Variants in MRPL34 observed in about 807,000 individuals in gnomAD.
MRPL34 encodes the protein large ribosomal subunit protein bL34m.
Under a neutral mutation model 6.7 loss-of-function variants are expected in MRPL34, and 8 were observed. The ratio of observed to expected loss-of-function variants is 1.20; its 90% CI spans 0.70 to 2.16. MRPL34 has a LOEUF of 2.16. Among genes scored for constraint, MRPL34 ranks in the 30% most tolerant of loss-of-function variants. MRPL34 has a pLI of 0.00. For synonymous variants in MRPL34, 59 were observed against 55.1 expected (o/e 1.07, Z -0.31); for missense variants, 146 against 125.5 (o/e 1.16, Z -0.78).
At position 17,305,936 on chromosome 19, in the gene MRPL34, C is replaced by T. The variant is rs2074144967; in HGVS notation, c.44C>T (p.Ser15Leu). 5 of 1,614,128 alleles carry T rather than the reference C, an allele frequency of 3.1e-6. No homozygotes were observed. In the East Asian group the frequency reaches 1.1e-4, roughly 36 times the overall value. Reference sequence around the variant, plus strand: ...TCCCTGTTGGGCCCCACGAGTAGGTCGGCAGCGTTGCTGGGTGGCAGGTAA... The same window carrying T: ...TCCCTGTTGGGCCCCACGAGTAGGTTGGCAGCGTTGCTGGGTGGCAGGTAA... ...AGSLLGPTSR[S>L]AALLGGRWLQ... The change falls in exon 1 of 2, where the codon TCG becomes TTG. Residue 15 changes from serine to leucine, a missense_variant. Transcript: ENST00000252602.
upstream of MRPL34, among the ~76,000 whole-genome samples, chr19:17,298,582 T>C (rs1368195182): frequency 1.3e-5 from 2 of 152,086 alleles, no homozygotes; most frequent in East Asian, 3.8e-4. Context: ...GCTTGGCAAC[T>C]ACTGAAGACA....
rs1439018940 is a variant in MRPL34 at position 17,297,519 on chromosome 19, CTCCTGACCTTGTGA to C, written c.214+4669_214+4682del. Among the ~76,000 whole-genome samples the C allele has an allele frequency of 2.6e-5, 4 of 152,250 alleles. No individual in the cohort carries two copies. In the South Asian group the frequency reaches 8.3e-4, roughly 32 times the overall value. On this transcript the variant is annotated intron_variant, in intron 1 of 2. Transcript: ENST00000595444. Reference sequence around the variant, plus strand: ...CCATTTTGGCCAGGCTGGTCTTGAACTCCTGACCTTGTGATCCGCCTGCCTCGGCCTCCAAAAGT... The same window carrying C: ...CCATTTTGGCCAGGCTGGTCTTGAACTCCGCCTGCCTCGGCCTCCAAAAGT...
upstream of MRPL34, among the ~76,000 whole-genome samples, chr19:17,303,931 G>A (rs2074133864): frequency 6.6e-6 from 1 of 152,120 alleles, no homozygotes; most frequent in Non-Finnish European, 1.5e-5. Flanking sequence ...TCCAAACCCT[G>A]GGAACCATTA....
At chr19:17,299,029 A>T (rs138354410), upstream of MRPL34, among the ~76,000 whole-genome samples, 132 of 152,310 alleles carry the variant, frequency 8.7e-4, no homozygotes, top group African/African-American at 3.0e-3. Flanking sequence ...GGCGTAAGCC[A>T]CTGCACCTGG....
In MRPL34 at chr19:17,306,320, G is replaced by A. The variant is rs1222109488; in HGVS notation, c.220G>A (p.Ala74Thr). The A allele has an allele frequency of 3.1e-6, 5 of 1,610,332 alleles. No individual in the cohort carries two copies. The highest frequency in any genetic ancestry group is 4.5e-5 in the East Asian group (2 of 44,798). Reference sequence around the variant, plus strand: ...CTGGGTCCGGCGCCTGAGCACGCCGGCCGGCGTGCAGGTCATCCTTCGCCG... The same window carrying A: ...CTGGGTCCGGCGCCTGAGCACGCCGACCGGCGTGCAGGTCATCCTTCGCCG... ...HGWVRRLSTP[A>T]GVQVILRRML... The change falls in exon 2 of 2, where the codon GCC (alanine) becomes ACC (threonine). Residue 74 changes from alanine (A) to threonine (T), a missense_variant. Ala to Thr is a moderately conservative substitution (Grantham distance 58, BLOSUM62 0). Coordinates refer to ENST00000252602, the MANE Select transcript of MRPL34 (RefSeq NM_023937.4).
chr19:17,296,217 A>C (rs1176858216), intron 1 of MRPL34: 1 of 150,234 alleles, frequency 6.7e-6, no homozygotes, highest in African/African-American at 2.5e-5. Context: ...TTTTTATTTT[A>C]ATTGTTTAAA....
Position 17,306,345 on chromosome 19 carries a change from G to T in MRPL34, c.245G>T (p.Arg82Leu), listed in dbSNP as rs1392982755. ...TPAGVQVILR[R>L]MLKGRKSLSH ...GCCGGCGTGCAGGTCATCCTTCGCC[G>T]AATGCTCAAGGGCCGCAAGTCGCTG... The change falls in exon 2 of 2, where the codon CGA becomes CTA. Residue 82 changes from arginine (R) to leucine (L), a missense_variant. Physicochemically the swap from Arg to Leu is moderately radical, Grantham distance 102. Transcript: ENST00000252602. 1.2e-6 allele frequency: 2 copies of T among 1,607,770 alleles called. No homozygotes were observed. Among genetic ancestry groups the T allele is most frequent in the African/African-American group, 1.3e-5 (1 of 74,754 alleles).
At chr19:17,299,560 CAAAAAAAAAAA>C (rs567760409), upstream of MRPL34, among the ~76,000 whole-genome samples, 3 of 51,506 alleles carry the variant, frequency 5.8e-5, no homozygotes, top group Non-Finnish European at 1.1e-4. Context: ...GACTCCATCT[CAAAAAAAAAAA>C]AAAAAAAAAA....
upstream of MRPL34, chr19:17,298,573 C>G (rs189692290): frequency 6.1e-4 from 93 of 152,164 alleles, no homozygotes; most frequent in African/African-American, 2.1e-3. Flanking sequence ...CCAGGGCACG[C>G]TTGGCAACTA....
intron 1 of MRPL34, among the ~76,000 whole-genome samples, chr19:17,297,072 A>G (rs535979333): frequency 2.0e-5 from 3 of 152,206 alleles, no homozygotes; most frequent in South Asian, 2.1e-4. Context: ...AATATTCGCT[A>G]TCCGATCCTT....
chr19:17,305,862 C>G (rs373416885), upstream of MRPL34: 1 of 1,612,016 alleles, frequency 6.2e-7, no homozygotes, highest in Non-Finnish European at 8.5e-7. Context: ...CGGAATCGCC[C>G]GCAGCCGGTA....
upstream of MRPL34, chr19:17,301,113 G>A (rs575924100): frequency 3.7e-6 from 6 of 1,613,194 alleles, no homozygotes; most frequent in East Asian, 1.1e-4. Flanking sequence ...CGCCTTTGCA[G>A]CTAGTGATGC....
At chr19:17,297,979 A>G (rs1448649349), upstream of MRPL34, 1 of 150,294 alleles carries the variant, frequency 6.7e-6, no homozygotes, top group Non-Finnish European at 1.5e-5. Context: ...CAGTGGCACA[A>G]TCTCGGCTCA....
At chr19:17,301,201 C>A (rs200255813), upstream of MRPL34, 154 of 1,602,316 alleles carry the variant, frequency 9.6e-5, no homozygotes, top group African/African-American at 1.8e-3. Context: ...ACTGCCGCTG[C>A]CGCTGCCTGC....
upstream of MRPL34, chr19:17,301,484 G>A: frequency 1.2e-6 from 2 of 1,611,418 alleles, no homozygotes; most frequent in Non-Finnish European, 1.7e-6. Flanking sequence ...TGCTTCACCC[G>A]CAGCACGCGG....
rs1482992607 is a variant in MRPL34 at position 17,295,147 on chromosome 19, G to A, written c.214+2293G>A. Among the ~76,000 whole-genome samples the A allele has an allele frequency of 4.5e-5, 6 of 133,160 alleles. No individual in the cohort carries two copies. The East Asian group carries it at 1.2e-3, about 26-fold the overall frequency. 87.4% of individuals were successfully genotyped at this position (133,160 alleles called of 152,430 possible). ...GGAGTCTCGCTCTGTCGCCCAGGCC[G>A]GACTGCGGACTGCAGTGGCGCAATC... is the stretch of plus-strand genomic sequence containing the variant. On this transcript the variant is annotated intron_variant, in intron 1 of 2. Coordinates refer to the MRPL34 transcript ENST00000595444.
intron 1 of MRPL34, chr19:17,297,744 C>CTTTTTTTTTTTTTT (rs71334702): frequency 7.7e-6 from 1 of 130,254 alleles, no homozygotes; most frequent in Non-Finnish European, 1.7e-5. Flanking sequence ...GTTTTCTTTT[C>CTTTTTTTTTTTTTT]TTTTTTTTTT....
upstream of MRPL34, chr19:17,301,020 C>T (rs1318164033): frequency 6.8e-6 from 11 of 1,613,394 alleles, no homozygotes; most frequent in Admixed American, 1.3e-4. Context: ...AGCCTAGGCG[C>T]ACAAAGAAGT....
upstream of MRPL34, chr19:17,298,468 G>T (rs1400715295): frequency 6.6e-6 from 1 of 152,112 alleles, no homozygotes; most frequent in Non-Finnish European, 1.5e-5. Flanking sequence ...ACAGGATTCC[G>T]ATGAGCGCTT....
Sources: gnomAD v4.1 joint callset for allele counts (sites outside exome capture counted in the v4.1 genomes callset) on GRCh38, gnomAD v4.1.1 for gene constraint, MANE v1.5 for transcripts, NCBI Gene and HGNC (gene_info 2026-07-23, HGNC 2026-07-21) for gene names.